The following ARHGAP20 variants were observed in gnomAD, a reference collection of about 807,000 sequenced individuals.
ARHGAP20 encodes Rho GTPase activating protein 20, also known as rho GTPase-activating protein 20.
A neutral mutation model predicts 73.7 loss-of-function variants in ARHGAP20; 34 were observed. The observed-to-expected ratio is 0.46, with a 90% confidence interval of 0.35 to 0.61. The LOEUF is 0.61. ARHGAP20 is among the 20% of genes least tolerant of loss of function. The pLI is 0.00. For synonymous variants in ARHGAP20, 523 were observed against 518.2 expected, an observed-to-expected ratio of 1.01 and a Z score of -0.13; for missense variants, 1,314 against 1,420.9, an observed-to-expected ratio of 0.92 and a Z score of 1.21.
At chr11:110,700,914 T>C (rs1467432462) in intron 1 of ARHGAP20, among the ~76,000 whole-genome samples, 1 of 151,724 alleles carries the variant, frequency 6.6e-6, no homozygotes, top group Non-Finnish European at 1.5e-5. Flanking sequence ...ACAAAGGACA[T>C]GAACTCATCA....
intron 3 of ARHGAP20, among the ~76,000 whole-genome samples, chr11:110,626,908 T>C (rs114972826): frequency 0.025 from 3,763 of 152,260 alleles, 131 homozygotes; most frequent in African/African-American, 0.079. Context: ...CTTGGGGTCA[T>C]AGAATGCTTC....
intron 9 of ARHGAP20, among the ~76,000 whole-genome samples, chr11:110,599,541 G>A (rs776533002): frequency 3.3e-5 from 5 of 152,224 alleles, no homozygotes; most frequent in African/African-American, 4.8e-5. Flanking sequence ...TGGGCAGAAG[G>A]GGGTGAGTCC....
chr11:110,708,574 G>C (rs1297976739), intron 1 of ARHGAP20, among the ~76,000 whole-genome samples: 1 of 152,018 alleles, frequency 6.6e-6, no homozygotes, highest in African/African-American at 2.4e-5. Context: ...ATCGATACAC[G>C]CAAAACCATG....
At chr11:110,691,462 C>T (rs937270004) in intron 1 of ARHGAP20, among the ~76,000 whole-genome samples, 3 of 152,184 alleles carry the variant, frequency 2.0e-5, no homozygotes, top group African/African-American at 7.2e-5. Context: ...ATATCCCTCT[C>T]ACCCTGTATC....
At chr11:110,670,505 C>T (rs190660969) in intron 2 of ARHGAP20, among the ~76,000 whole-genome samples, 4 of 152,088 alleles carry the variant, frequency 2.6e-5, no homozygotes, top group East Asian at 3.9e-4. Flanking sequence ...ACAAATTACC[C>T]GAACTGACTC....
At chr11:110,680,537 A>G (rs577867911) in intron 2 of ARHGAP20, among the ~76,000 whole-genome samples, 2 of 152,278 alleles carry the variant, frequency 1.3e-5, no homozygotes, top group African/African-American at 4.8e-5. Flanking sequence ...AAGGGCAAAT[A>G]AACATGCACT....
At chr11:110,613,053 C>T (rs544872959) in intron 6 of ARHGAP20, among the ~76,000 whole-genome samples, 5 of 152,238 alleles carry the variant, frequency 3.3e-5, no homozygotes, top group Admixed American at 6.5e-5. Flanking sequence ...AGTCTTATAA[C>T]GTGAAGAATC....
chr11:110,665,222 G>T (rs904138441), intron 2 of ARHGAP20, among the ~76,000 whole-genome samples: 9 of 152,052 alleles, frequency 5.9e-5, no homozygotes, highest in Non-Finnish European at 1.3e-4. Context: ...GTTTTAAAAA[G>T]TTGAGACTTT....
At chr11:110,591,906 G>C in intron 10 of ARHGAP20, 71 bp downstream of exon 10, 1 of 1,509,102 alleles carries the variant, frequency 6.6e-7, no homozygotes, top group Non-Finnish European at 9.1e-7. Context: ...TTTGGGGACA[G>C]ATTTACCTCG....
chr11:110,630,877 T>G, intron 2 of ARHGAP20, 85 bp from the exon 3 acceptor site: 3 of 1,376,144 alleles, frequency 2.2e-6, no homozygotes, highest in Non-Finnish European at 3.0e-6. Flanking sequence ...TTTTTTTTAA[T>G]ACAATGGTAT....
intron 1 of ARHGAP20, among the ~76,000 whole-genome samples, chr11:110,706,166 GC>G (rs960899420): frequency 1.3e-5 from 2 of 151,996 alleles, no homozygotes; most frequent in Non-Finnish European, 2.9e-5. Context: ...ACTTTTCTCA[GC>G]TGGTTATATA....
chr11:110,579,542 A>T lies in ARHGAP20; in HGVS notation c.3404T>A (p.Leu1135Gln), dbSNP rs201024136. The T allele has an allele frequency of 1.7e-4, 281 of 1,613,872 alleles. 1 individual carries two copies. Among genetic ancestry groups the T allele is most frequent in the Non-Finnish European group, 3.5e-5 (41 of 1,179,866 alleles). ...TATTTCCTCATGTGACTTCATGCACAGCTTAAGTCTGCTCTCCACCAGGCT... is the reference window on the plus strand; with the variant it reads ...TATTTCCTCATGTGACTTCATGCACTGCTTAAGTCTGCTCTCCACCAGGCT... The part of the protein sequence containing the change: ...PFSLVESRLK[L>Q]CMKSHEEIEP... Residue 1135 changes from leucine to glutamine, a missense_variant, in exon 15 of 15, where the codon CTG becomes CAG. Coordinates refer to ENST00000683387, the MANE Select transcript of ARHGAP20 (RefSeq NM_001384657.1).
At chr11:110,661,857 T>C (rs564592748) in intron 2 of ARHGAP20, among the ~76,000 whole-genome samples, 2 of 152,020 alleles carry the variant, frequency 1.3e-5, no homozygotes, top group Non-Finnish European at 2.9e-5. Context: ...AGATAGTATA[T>C]AGCAATCCAC....
chr11:110,579,845 G>A lies in ARHGAP20; in HGVS notation c.3101C>T (p.Pro1034Leu). 6.2e-7 allele frequency: 1 copy of A among 1,614,188 alleles called. No individual in the cohort carries two copies. The highest frequency in any genetic ancestry group is 2.2e-5 in the East Asian group (1 of 44,888). Residue 1034 changes from proline (P) to leucine (L), a missense_variant, in exon 15 of 15, where the codon CCC becomes CTC. Physicochemically the swap from Pro to Leu is moderately conservative, Grantham distance 98. Coordinates refer to ENST00000683387, the MANE Select transcript of ARHGAP20 (RefSeq NM_001384657.1). ...HSQMHSVTLHPSTWLRNGVAS... is the reference protein window; with the variant it reads ...HSQMHSVTLHLSTWLRNGVAS... ...CACACCATTTCTCAACCATGTGCTG[G>A]GATGAAGAGTTACAGAATGCATTTG...
chr11:110,607,625 A>G (rs1454724489), intron 8 of ARHGAP20, among the ~76,000 whole-genome samples: 5 of 152,306 alleles, frequency 3.3e-5, no homozygotes, highest in South Asian at 4.1e-4. Flanking sequence ...TAGGCATACA[A>G]TGTCAATGTT....
chr11:110,692,708 A>G (rs1950266486), intron 1 of ARHGAP20, among the ~76,000 whole-genome samples: 1 of 152,234 alleles, frequency 6.6e-6, no homozygotes, highest in Non-Finnish European at 1.5e-5. Flanking sequence ...AAAAGAGCCT[A>G]TGAAACAGGA....
At chr11:110,690,425 G>A in intron 2 of ARHGAP20, 122 bp downstream of exon 2, 2 of 940,054 alleles carry the variant, frequency 2.1e-6, no homozygotes, top group Non-Finnish European at 3.3e-6. Flanking sequence ...CTCTTAAACA[G>A]AATTCTGGTG....
intron 9 of ARHGAP20, among the ~76,000 whole-genome samples, chr11:110,595,548 T>G (rs1255419949): frequency 1.3e-5 from 2 of 152,154 alleles, no homozygotes; most frequent in African/African-American, 4.8e-5. Flanking sequence ...TCACAATTGC[T>G]TCAAAGAGAA....
At chr11:110,702,053 C>T (rs1194118963) in intron 1 of ARHGAP20, among the ~76,000 whole-genome samples, 1 of 152,006 alleles carries the variant, frequency 6.6e-6, no homozygotes, top group Non-Finnish European at 1.5e-5. Context: ...TTAGGATTGA[C>T]TTGGCGATGC....
Sources: gnomAD v4.1 joint callset for allele counts (sites outside exome capture counted in the v4.1 genomes callset) on GRCh38, gnomAD v4.1.1 for gene constraint, MANE v1.5 for transcripts, NCBI Gene and HGNC (gene_info 2026-07-23, HGNC 2026-07-21) for gene names.